CDKL1: variants seen among roughly 807,000 people sequenced by gnomAD.
CDKL1 encodes cyclin dependent kinase like 1.
In CDKL1, 41 loss-of-function variants were observed where a neutral mutation model predicts 42.0. The ratio of observed to expected loss-of-function variants is 0.98; its 90% confidence interval spans 0.76 to 1.27. CDKL1 has a LOEUF of 1.27. CDKL1 is among the 50% of genes most tolerant of loss of function. CDKL1 has a pLI of 0.00. For missense variants in CDKL1, 394 were observed against 428.4 expected (o/e 0.92, Z 0.71); for synonymous variants, 153 against 158.6 (o/e 0.96, Z 0.26).
At chr14:50,396,496 G>C (rs964910396) in intron 1 of CDKL1, among the ~76,000 whole-genome samples, 167 bp from the exon 2 acceptor site, 1 of 152,200 alleles carries the variant, frequency 6.6e-6, no homozygotes. Flanking sequence ...AAAACGAGCC[G>C]AGCTGTAAGA....
At chr14:50,361,253 G>A (rs947813508) in intron 2 of CDKL1, among the ~76,000 whole-genome samples, 1 of 152,158 alleles carries the variant, frequency 6.6e-6, no homozygotes, top group Middle Eastern at 3.2e-3. Flanking sequence ...AGCCCACAAG[G>A]AGATACTAAA....
Position 50,329,487 on chromosome 14 carries a change from C to A in CDKL1, c.*587G>T, listed in dbSNP as rs1049356787. Reference sequence around the variant, plus strand: ...AAACATATAATTAAATTATAAATTACCAAGCTTTTGTGATAATTCATATGC... The same window carrying A: ...AAACATATAATTAAATTATAAATTAACAAGCTTTTGTGATAATTCATATGC... On this transcript the variant is annotated 3_prime_UTR_variant, in exon 10 of 10. Coordinates refer to ENST00000395834, the MANE Select transcript of CDKL1 (RefSeq NM_004196.7). 2 of 152,244 alleles carry A rather than the reference C, an allele frequency of 1.3e-5. No homozygotes were observed. Among genetic ancestry groups the A allele is most frequent in the African/African-American group, 4.8e-5 (2 of 41,420 alleles). The allele number at this position is 152,244 out of a possible 1,614,324, so 9.4% of individuals were successfully genotyped here. A position where few individuals can be genotyped will look rare whatever the true frequency, so the allele number is the denominator to read the frequency against.
chr14:50,385,780 G>C (rs1402488535), intron 2 of CDKL1, among the ~76,000 whole-genome samples: 4 of 131,970 alleles, frequency 3.0e-5, no homozygotes, highest in Non-Finnish European at 6.2e-5. Flanking sequence ...CTCCAACCTA[G>C]GCAACAGAGC....
chr14:50,372,612 T>G (rs1222791470), intron 2 of CDKL1, among the ~76,000 whole-genome samples: 3 of 152,222 alleles, frequency 2.0e-5, no homozygotes, highest in African/African-American at 7.2e-5. Context: ...TTTAAAAAAA[T>G]CACTGCCCAG....
intron 2 of CDKL1, among the ~76,000 whole-genome samples, chr14:50,369,172 C>T (rs866630274): frequency 6.6e-6 from 1 of 152,094 alleles, no homozygotes; most frequent in Non-Finnish European, 1.5e-5. Context: ...CGGCCGCTAC[C>T]CTTAACCAGG....
At chr14:50,356,579 C>A (rs2034063719) in intron 3 of CDKL1, among the ~76,000 whole-genome samples, 1 of 152,190 alleles carries the variant, frequency 6.6e-6, no homozygotes, top group African/African-American at 2.4e-5. Flanking sequence ...AACGCAGGAA[C>A]AGAAAACCAA....
At chr14:50,362,133 G>A (rs1347333181) in intron 2 of CDKL1, 6 of 278,552 alleles carry the variant, frequency 2.2e-5, no homozygotes, top group Non-Finnish European at 3.6e-5. Flanking sequence ...GCAGGGCTCA[G>A]GACCTGCAGC....
At chr14:50,376,176 C>T (rs2139502643) in intron 2 of CDKL1, among the ~76,000 whole-genome samples, 2 of 152,270 alleles carry the variant, frequency 1.3e-5, no homozygotes, top group South Asian at 4.1e-4. Flanking sequence ...AGCATTGGTT[C>T]ATTGATTATA....
intron 7 of CDKL1, among the ~76,000 whole-genome samples, chr14:50,338,334 T>C (rs750962148): frequency 4.0e-5 from 6 of 151,028 alleles, no homozygotes; most frequent in Non-Finnish European, 8.9e-5. Flanking sequence ...CTCAAGCAAT[T>C]CTCCTGCCTC....
chr14:50,335,023 G>A (rs2033177714), intron 7 of CDKL1: 1 of 194,612 alleles, frequency 5.1e-6, no homozygotes. Flanking sequence ...TAGCTGGCTG[G>A]GTGCGGTGGC....
chr14:50,396,516 T>C (rs1453754805), intron 1 of CDKL1, among the ~76,000 whole-genome samples, 187 bp from the exon 2 acceptor site: 1 of 152,238 alleles, frequency 6.6e-6, no homozygotes, highest in East Asian at 1.9e-4. Context: ...ATAAGCTATC[T>C]TTTTAACGTT....
intron 2 of CDKL1, among the ~76,000 whole-genome samples, chr14:50,391,483 A>G (rs755245322): frequency 3.3e-5 from 5 of 152,134 alleles, no homozygotes; most frequent in Non-Finnish European, 7.3e-5. Context: ...CCCGGGTTCA[A>G]GCGATTCTCC....
At chr14:50,351,565 C>T (rs1163076370) in intron 3 of CDKL1, among the ~76,000 whole-genome samples, 3 of 151,912 alleles carry the variant, frequency 2.0e-5, no homozygotes, top group Non-Finnish European at 4.4e-5. Context: ...GATATCCCAT[C>T]TCTACAAAAA....
chr14:50,352,210 T>A (rs1421797606), intron 3 of CDKL1, among the ~76,000 whole-genome samples: 1 of 152,220 alleles, frequency 6.6e-6, no homozygotes, highest in East Asian at 1.9e-4. Context: ...TTGGGAAATG[T>A]TCCTTCTCAT....
chr14:50,370,750 C>T (rs1162045275), intron 2 of CDKL1, among the ~76,000 whole-genome samples: 1 of 152,078 alleles, frequency 6.6e-6, no homozygotes, highest in African/African-American at 2.4e-5. Flanking sequence ...ATGGCAAAAC[C>T]AAGAACAAGG....
chr14:50,328,074 A>G lies in CDKL1; in HGVS notation c.*2000T>C, dbSNP rs2032778187. ...AAGCCTTTTTTCTCAGGTTTGTTTC[A>G]TTACTGTATGGTGAGACAACTGATT... On this transcript the variant is annotated 3_prime_UTR_variant, in exon 10 of 10. Transcript: ENST00000395834. 6.6e-6 allele frequency: 1 copy of G among 152,192 alleles called. No homozygotes were observed. The highest frequency in any genetic ancestry group is 2.1e-4 in the South Asian group (1 of 4,836). The allele number at this position is 152,192 out of a possible 1,614,324, so 9.4% of individuals were successfully genotyped here.
At chr14:50,372,441 A>G (rs2034617708) in intron 2 of CDKL1, among the ~76,000 whole-genome samples, 1 of 152,222 alleles carries the variant, frequency 6.6e-6, no homozygotes, top group African/African-American at 2.4e-5. Context: ...TATTTTGGAT[A>G]CATATAACCC....
chr14:50,372,953 TG>T (rs1490414865), intron 2 of CDKL1, among the ~76,000 whole-genome samples: 1 of 152,196 alleles, frequency 6.6e-6, no homozygotes, highest in Non-Finnish European at 1.5e-5. Flanking sequence ...TAAAATAGTT[TG>T]AAATCAGGTA....
At chr14:50,369,269 T>G (rs984412758) in intron 2 of CDKL1, among the ~76,000 whole-genome samples, 1 of 152,104 alleles carries the variant, frequency 6.6e-6, no homozygotes, top group Non-Finnish European at 1.5e-5. Context: ...CTGTGGCACT[T>G]ATGAGCTAGG....
Sources: allele counts gnomAD v4.1 joint callset (sites outside exome capture counted in the v4.1 genomes callset), GRCh38; gene constraint gnomAD v4.1.1; transcripts MANE v1.5; gene names NCBI Gene and HGNC (gene_info 2026-07-23, HGNC 2026-07-21).